RGSL1: variants seen among roughly 807,000 people sequenced by gnomAD.
RGSL1 encodes regulator of G protein signaling protein-like.
RGSL1 carries 97 observed loss-of-function variants against 124.7 expected under a neutral mutation model. That is an observed-to-expected ratio of 0.78 (90% CI 0.66 to 0.92). RGSL1 has a LOEUF of 0.92. RGSL1 is among the 40% of genes least tolerant of loss of function. The pLI, the probability that RGSL1 is intolerant of heterozygous loss-of-function variation, is 0.00. For synonymous variants in RGSL1, 424 were observed against 438.1 expected (o/e 0.97, Z 0.40); for missense variants, 1,233 against 1,288.4 (o/e 0.96, Z 0.66).
At chr1:182,461,934 G>A (rs1652871294) in intron 4 of RGSL1, among the ~76,000 whole-genome samples, 1 of 152,024 alleles carries the variant, frequency 6.6e-6, no homozygotes, top group Non-Finnish European at 1.5e-5. Context: ...AGAAAGAAAG[G>A]TGCAAAGAGA....
At chr1:182,554,876 C>T in intron 20 of RGSL1, 183 bp downstream of exon 20, 1 of 603,598 alleles carries the variant, frequency 1.7e-6, no homozygotes, top group Non-Finnish European at 2.9e-6. Flanking sequence ...CTGTGGGGGT[C>T]CTTTCTCACC....
chr1:182,544,993 CA>C (rs1660121076), intron 15 of RGSL1, among the ~76,000 whole-genome samples: 2 of 151,998 alleles, frequency 1.3e-5, no homozygotes, highest in African/African-American at 4.8e-5. Flanking sequence ...TTGCAGTCAA[CA>C]TTCTTATTAA....
At chr1:182,533,382 T>C (rs1659325547) in intron 14 of RGSL1, among the ~76,000 whole-genome samples, 1 of 151,330 alleles carries the variant, frequency 6.6e-6, no homozygotes, top group Non-Finnish European at 1.5e-5. Context: ...TTGACTGCCA[T>C]AAAATGTCCA....
chr1:182,546,583 G>A (rs1660224562), intron 15 of RGSL1, among the ~76,000 whole-genome samples: 1 of 152,056 alleles, frequency 6.6e-6, no homozygotes, highest in Non-Finnish European at 1.5e-5. Context: ...TAGTAGGGAT[G>A]TGGTTTCACC....
chr1:182,524,008 G>T (rs182195366), intron 10 of RGSL1, among the ~76,000 whole-genome samples: 1 of 152,090 alleles, frequency 6.6e-6, no homozygotes, highest in Non-Finnish European at 1.5e-5. Context: ...ACTCAAAGGC[G>T]AAGATACAAC....
chr1:182,476,988 A>G (rs941860923), intron 6 of RGSL1, among the ~76,000 whole-genome samples: 2 of 152,200 alleles, frequency 1.3e-5, no homozygotes, highest in Non-Finnish European at 2.9e-5. Flanking sequence ...TGTCCGTAGC[A>G]CATATCACTA....
At chr1:182,477,906 T>C (rs141805287) in intron 6 of RGSL1, among the ~76,000 whole-genome samples, 143 of 152,196 alleles carry the variant, frequency 9.4e-4, no homozygotes, top group African/African-American at 3.4e-3. Flanking sequence ...AATGCAAGGA[T>C]ACAAGGGTCA....
At chr1:182,510,902 T>G (rs988232337) in intron 9 of RGSL1, among the ~76,000 whole-genome samples, 14 of 152,124 alleles carry the variant, frequency 9.2e-5, no homozygotes, top group Non-Finnish European at 1.9e-4. Context: ...TTGATAATTG[T>G]TTTTGTTACT....
At position 182,473,981 on chromosome 1, in the gene RGSL1, AC is replaced by A; in HGVS notation, c.871del (p.Gln291LysfsTer5). ...ETCPQEKVVI[Q>X]MPSLKMASSK... ...CATGTCCTCAAGAGAAGGTGGTTAT[AC>A]AAATGCCTTCCCTGAAAATGGCTTC... is the stretch of plus-strand genomic sequence containing the variant. On this transcript the variant is annotated frameshift_variant, in exon 6 of 22. Transcript: ENST00000294854. LOFTEE classifies it high-confidence loss of function. The A allele has an allele frequency of 1.9e-6, 3 of 1,551,978 alleles. No homozygotes were observed. In the South Asian group the frequency reaches 3.6e-5, roughly 18 times the overall value.
intron 6 of RGSL1, 29 bp downstream of exon 6, chr1:182,474,571 T>C (rs553445525): frequency 1.3e-6 from 2 of 1,508,802 alleles, no homozygotes; most frequent in Non-Finnish European, 1.8e-6. Context: ...AAATAAGTTA[T>C]ATCTGGCAAA....
chr1:182,510,271 C>T (rs1390929402), intron 9 of RGSL1, among the ~76,000 whole-genome samples: 10 of 37,102 alleles, frequency 2.7e-4, no homozygotes, highest in African/African-American at 9.2e-4. Context: ...ACTTCCCAGA[C>T]GGGGTGGCGG....
chr1:182,458,688 G>T (rs1303155553), intron 3 of RGSL1, among the ~76,000 whole-genome samples: 1 of 152,036 alleles, frequency 6.6e-6, no homozygotes, highest in East Asian at 1.9e-4. Flanking sequence ...GCCCAGGCTG[G>T]TCTTGAGCTA....
intron 9 of RGSL1, among the ~76,000 whole-genome samples, chr1:182,507,939 A>G (rs2102175605): frequency 6.6e-6 from 1 of 152,132 alleles, no homozygotes; most frequent in South Asian, 2.1e-4. Context: ...CCGGGCTCAA[A>G]CAATCCACCC....
At chr1:182,530,998 G>A in intron 13 of RGSL1, 88 bp downstream of exon 13, 1 of 1,421,548 alleles carries the variant, frequency 7.0e-7, no homozygotes, top group South Asian at 1.3e-5. Context: ...TTTTGCAAAG[G>A]AAGAATCTGA....
At position 182,497,805 on chromosome 1, in the gene RGSL1, AT is replaced by A. The variant is rs1213768193; in HGVS notation, c.1825+4678del. On this transcript the variant is annotated intron_variant, in intron 9 of 21. Transcript: ENST00000294854. ...TCTCATGATTAGGTTCAGGTTATGC[AT>A]TCAGGTTATTCAGAAATATCATTGC... is the stretch of plus-strand genomic sequence containing the variant. Among the ~76,000 whole-genome samples, 3 of 152,156 alleles carry A rather than the reference AT, an allele frequency of 2.0e-5. No individual in the cohort carries two copies. The East Asian group carries it at 5.8e-4, about 29-fold the overall frequency.
intron 9 of RGSL1, among the ~76,000 whole-genome samples, chr1:182,508,527 G>A (rs1342871963): frequency 6.6e-6 from 1 of 151,750 alleles, no homozygotes. Context: ...TTGAACTCCT[G>A]ACCTCAGGTG....
At chr1:182,545,267 AC>A (rs1460683495) in intron 15 of RGSL1, among the ~76,000 whole-genome samples, 1 of 152,198 alleles carries the variant, frequency 6.6e-6, no homozygotes. Context: ...AAGAATAGAA[AC>A]AAAGAAAAAA....
At chr1:182,503,854 C>T (rs1403382769) in intron 9 of RGSL1, among the ~76,000 whole-genome samples, 2 of 151,932 alleles carry the variant, frequency 1.3e-5, no homozygotes, top group Non-Finnish European at 2.9e-5. Flanking sequence ...TGTATCAAAA[C>T]ATCTTATGTA....
rs111634182 is a variant in RGSL1, at chr1:182,461,581, A to G, written c.301+1448A>G. On this transcript the variant is annotated intron_variant, in intron 4 of 21. Coordinates refer to ENST00000294854, the MANE Select transcript of RGSL1 (RefSeq NM_001137669.2). ...AGACTTTAAAACAACTGCCTTAAAT[A>G]TGGTCAAAGAACTAAAGGAAGATGT... Among the ~76,000 whole-genome samples the G allele has an allele frequency of 7.9e-3, 1,200 of 152,256 alleles. 12 individuals carry two copies. Among genetic ancestry groups the G allele is most frequent in the African/African-American group, 0.023 (941 of 41,556 alleles).
Sources: gnomAD v4.1 joint callset for allele counts (sites outside exome capture counted in the v4.1 genomes callset) on GRCh38, gnomAD v4.1.1 for gene constraint, MANE v1.5 for transcripts, NCBI Gene and HGNC (gene_info 2026-07-23, HGNC 2026-07-21) for gene names.